C3orf80: variants seen among roughly 807,000 people sequenced by gnomAD.
The protein encoded by C3orf80 is chromosome 3 open reading frame 80, also known as uncharacterized membrane protein C3orf80.
C3orf80 carries 10 observed loss-of-function variants against 15.8 expected under a neutral mutation model. The observed-to-expected ratio is 0.63, with a 90% CI of 0.39 to 1.07. The LOEUF (loss-of-function observed/expected upper bound fraction) is 1.07. C3orf80 is among the 50% of genes least tolerant of loss of function. The pLI, the probability that C3orf80 is intolerant of heterozygous loss-of-function variation, is 0.01. For synonymous variants in C3orf80, 183 were observed against 192.0 expected (o/e 0.95, Z 0.39); for missense variants, 364 against 379.3 (o/e 0.96, Z 0.34).
chr3:160,225,612 C>T lies in C3orf80; in HGVS notation c.-24C>T, dbSNP rs1559895860. On this transcript the variant is annotated 5_prime_UTR_variant, in exon 1 of 1. It adds an upstream start codon to the 5' untranslated region. Transcript: ENST00000326474. This position sits in a 1 kb window ranked among gnomAD's most constrained non-coding sequence, Gnocchi z 5.6. ...GGACTCCCCAGCCTCCCGTCCCGGA[C>T]GTTAGCCGAGGTCTGCGCGGGCCAT... 1 of 1,309,258 alleles carries T rather than the reference C, an allele frequency of 7.6e-7. No individual in the cohort carries two copies. Among genetic ancestry groups the T allele is most frequent in the Non-Finnish European group, 9.7e-7 (1 of 1,035,654 alleles). The allele number at this position is 1,309,258 out of a possible 1,614,324, so 81.1% of individuals were successfully genotyped here. A position where few individuals can be genotyped will look rare whatever the true frequency, so the allele number is the denominator to read the frequency against.
chr3:160,226,306 C>T lies in C3orf80; in HGVS notation c.671C>T (p.Ser224Leu), dbSNP rs953797795. 1 of 1,513,212 alleles carries T rather than the reference C, an allele frequency of 6.6e-7. No individual in the cohort carries two copies. The highest frequency in any genetic ancestry group is 8.8e-7 in the Non-Finnish European group (1 of 1,135,970). 93.7% of individuals were successfully genotyped at this position (1,513,212 alleles called of 1,614,324 possible). The change falls in exon 1 of 1, where the codon TCG (serine) becomes TTG (leucine). Residue 224 changes from serine to leucine, a missense_variant. Physicochemically the swap from Ser to Leu is moderately radical, Grantham distance 145. Transcript: ENST00000326474. The surrounding 1 kb of genome is among the most constrained non-coding windows in gnomAD (Gnocchi z 5.2). The part of the protein sequence containing the change: ...LSPGEVVLPV[S>L]VLGRPRGGVA... ...CCCGGGGAGGTCGTGCTGCCAGTGT[C>T]GGTGCTTGGCCGCCCTCGAGGCGGG...
At position 160,225,679 on chromosome 3, in the gene C3orf80, C is replaced by T. The variant is rs1183668846; in HGVS notation, c.44C>T (p.Pro15Leu). Reference sequence around the variant, plus strand: ...ACTGCTGAGGGCCTGTCGGTGGCTCCGGCGCCGCCGCCTCTGCTGCCGCTG... The same window carrying T: ...ACTGCTGAGGGCCTGTCGGTGGCTCTGGCGCCGCCGCCTCTGCTGCCGCTG... ...GVTAEGLSVA[P>L]APPPLLPLLL... Residue 15 changes from proline (P) to leucine (L), a missense_variant, in exon 1 of 1, where the codon CCG becomes CTG. Physicochemically the swap from Pro to Leu is moderately conservative, Grantham distance 98. Coordinates refer to ENST00000326474, the MANE Select transcript of C3orf80 (RefSeq NM_001168214.2). This position sits in a 1 kb window ranked among gnomAD's most constrained non-coding sequence, Gnocchi z 5.6. The T allele has an allele frequency of 9.3e-6, 13 of 1,394,986 alleles. No individual in the cohort carries two copies. The highest frequency in any genetic ancestry group is 1.1e-5 in the Non-Finnish European group (12 of 1,080,062). 86.4% of individuals were successfully genotyped at this position (1,394,986 alleles called of 1,614,324 possible).
chr3:160,225,613 G>A lies in C3orf80; in HGVS notation c.-23G>A, dbSNP rs769612908. The A allele has an allele frequency of 3.1e-6, 4 of 1,310,242 alleles. No homozygotes were observed. Among genetic ancestry groups the A allele is most frequent in the Non-Finnish European group, 3.9e-6 (4 of 1,036,146 alleles). The allele number at this position is 1,310,242 out of a possible 1,614,324, so 81.2% of individuals were successfully genotyped here. A position where few individuals can be genotyped will look rare whatever the true frequency, so the allele number is the denominator to read the frequency against. On this transcript the variant is annotated 5_prime_UTR_variant, in exon 1 of 1. Coordinates refer to ENST00000326474, the MANE Select transcript of C3orf80 (RefSeq NM_001168214.2). The surrounding 1 kb of genome is among the most constrained non-coding windows in gnomAD (Gnocchi z 5.6). The stretch of plus-strand genomic sequence containing the variant: ...GACTCCCCAGCCTCCCGTCCCGGAC[G>A]TTAGCCGAGGTCTGCGCGGGCCATG...
chr3:160,225,614 T>C lies in C3orf80; in HGVS notation c.-22T>C. The C allele has an allele frequency of 7.6e-7, 1 of 1,310,860 alleles. No individual in the cohort carries two copies. Among genetic ancestry groups the C allele is most frequent in the Non-Finnish European group, 9.6e-7 (1 of 1,036,556 alleles). The allele number at this position is 1,310,860 out of a possible 1,614,324, so 81.2% of individuals were successfully genotyped here. A position where few individuals can be genotyped will look rare whatever the true frequency, so the allele number is the denominator to read the frequency against. On this transcript the variant is annotated 5_prime_UTR_variant, in exon 1 of 1. Coordinates refer to ENST00000326474, the MANE Select transcript of C3orf80 (RefSeq NM_001168214.2). This position sits in a 1 kb window ranked among gnomAD's most constrained non-coding sequence, Gnocchi z 5.6. The stretch of plus-strand genomic sequence containing the variant: ...ACTCCCCAGCCTCCCGTCCCGGACG[T>C]TAGCCGAGGTCTGCGCGGGCCATGT...
rs1441002054 is a variant in C3orf80 at position 160,225,756 on chromosome 3, T to C, written c.121T>C (p.Cys41Arg). Reference sequence around the variant, plus strand: ...GGCGCCCTCGCGGGGCGGCGGGGGCTGCGCTGAGCTGGCGTGCGGCGAGCG... The same window carrying C: ...GGCGCCCTCGCGGGGCGGCGGGGGCCGCGCTGAGCTGGCGTGCGGCGAGCG... ...LVAPSRGGGG[C>R]AELACGERER... is the part of the protein sequence containing the mutation. The change falls in exon 1 of 1, where the codon TGC (cysteine) becomes CGC (arginine). Residue 41 changes from cysteine (C) to arginine (R), a missense_variant. Cys to Arg is a radical substitution (Grantham distance 180). Coordinates refer to ENST00000326474, the MANE Select transcript of C3orf80 (RefSeq NM_001168214.2). The surrounding 1 kb of genome is among the most constrained non-coding windows in gnomAD (Gnocchi z 5.6). The C allele has an allele frequency of 5.7e-6, 8 of 1,401,036 alleles. No individual in the cohort carries two copies. The highest frequency in any genetic ancestry group is 7.4e-6 in the Non-Finnish European group (8 of 1,082,310). The allele number at this position is 1,401,036 out of a possible 1,614,324, so 86.8% of individuals were successfully genotyped here.
Position 160,226,132 on chromosome 3 carries a change from G to A in C3orf80, c.497G>A (p.Gly166Asp), listed in dbSNP as rs775531076. Residue 166 changes from glycine (G) to aspartate (D), a missense_variant, in exon 1 of 1, where the codon GGC (glycine) becomes GAC (aspartate). Transcript: ENST00000326474. The surrounding 1 kb of genome is among the most constrained non-coding windows in gnomAD (Gnocchi z 5.2). ...SLLDSGGGGRGRGGGGRSDPS... is the reference protein window; with the variant it reads ...SLLDSGGGGRDRGGGGRSDPS... ...CTGGACAGTGGCGGCGGCGGCCGGGGCCGGGGAGGCGGCGGGCGCTCGGAC... is the reference window on the plus strand; with the variant it reads ...CTGGACAGTGGCGGCGGCGGCCGGGACCGGGGAGGCGGCGGGCGCTCGGAC... The A allele has an allele frequency of 3.3e-6, 5 of 1,520,034 alleles. No homozygotes were observed. The South Asian group carries it at 4.8e-5, about 15-fold the overall frequency. The allele number at this position is 1,520,034 out of a possible 1,614,324, so 94.2% of individuals were successfully genotyped here.
Position 160,226,546 on chromosome 3 carries a change from C to CT in C3orf80, c.*169dup. ...CGTCTCCCTCGCGTTCTCCCGGGAT[C>CT]TTATGTTTCTCTGCGTTTCATTCCG... On this transcript the variant is annotated 3_prime_UTR_variant, in exon 1 of 1. Transcript: ENST00000326474. This position sits in a 1 kb window ranked among gnomAD's most constrained non-coding sequence, Gnocchi z 5.2. 1.4e-6 allele frequency: 1 copy of CT among 695,986 alleles called. No homozygotes were observed. Among genetic ancestry groups the CT allele is most frequent in the Non-Finnish European group, 2.1e-6 (1 of 470,882 alleles). 43.1% of individuals were successfully genotyped at this position (695,986 alleles called of 1,614,324 possible).
In C3orf80 at chr3:160,225,438, C is replaced by T; in HGVS notation, c.-198C>T. 2.3e-6 allele frequency: 1 copy of T among 432,898 alleles called. No homozygotes were observed. The highest frequency in any genetic ancestry group is 6.4e-4 in the Middle Eastern group (1 of 1,554). 26.8% of individuals were successfully genotyped at this position (432,898 alleles called of 1,614,324 possible). On this transcript the variant is annotated 5_prime_UTR_variant, in exon 1 of 1. Coordinates refer to ENST00000326474, the MANE Select transcript of C3orf80 (RefSeq NM_001168214.2). This position sits in a 1 kb window ranked among gnomAD's most constrained non-coding sequence, Gnocchi z 5.6. ...TGGGCCGCCAGTAGCAGCCGCCTCC[C>T]GCAGCCTCCGCGCGCCGCGGGCTCC...
chr3:160,226,299 C>A lies in C3orf80; in HGVS notation c.664C>A (p.Pro222Thr). 1 of 1,516,798 alleles carries A rather than the reference C, an allele frequency of 6.6e-7. No homozygotes were observed. The highest frequency in any genetic ancestry group is 8.8e-7 in the Non-Finnish European group (1 of 1,137,758). The allele number at this position is 1,516,798 out of a possible 1,614,324, so 94.0% of individuals were successfully genotyped here. ...QQLSPGEVVL[P>T]VSVLGRPRGG... is the part of the protein sequence containing the mutation. Reference sequence around the variant, plus strand: ...GCTCAGCCCCGGGGAGGTCGTGCTGCCAGTGTCGGTGCTTGGCCGCCCTCG... The same window carrying A: ...GCTCAGCCCCGGGGAGGTCGTGCTGACAGTGTCGGTGCTTGGCCGCCCTCG... The change falls in exon 1 of 1, where the codon CCA becomes ACA. Residue 222 changes from proline to threonine, a missense_variant. Transcript: ENST00000326474. The surrounding 1 kb of genome is among the most constrained non-coding windows in gnomAD (Gnocchi z 5.2).
At position 160,227,099 on chromosome 3, in the gene C3orf80, T is replaced by C. The variant is rs1711502536; in HGVS notation, c.*720T>C. 1 of 152,238 alleles carries C rather than the reference T, an allele frequency of 6.6e-6. No homozygotes were observed. The highest frequency in any genetic ancestry group is 2.4e-5 in the African/African-American group (1 of 41,460). The allele number at this position is 152,238 out of a possible 1,614,324, so 9.4% of individuals were successfully genotyped here. ...CATGTATATCCATTCGGCTGGACTTTTGATTGTTCAATAACTGAGGAGGTA... is the reference window on the plus strand; with the variant it reads ...CATGTATATCCATTCGGCTGGACTTCTGATTGTTCAATAACTGAGGAGGTA... On this transcript the variant is annotated 3_prime_UTR_variant, in exon 1 of 1. Coordinates refer to ENST00000326474, the MANE Select transcript of C3orf80 (RefSeq NM_001168214.2).
Position 160,226,074 on chromosome 3 carries a change from G to T in C3orf80, c.439G>T (p.Asp147Tyr), listed in dbSNP as rs1273182643. 4.8e-6 allele frequency: 7 copies of T among 1,463,362 alleles called. No individual in the cohort carries two copies. The African/African-American group carries it at 8.8e-5, about 18-fold the overall frequency. The allele number at this position is 1,463,362 out of a possible 1,614,324, so 90.6% of individuals were successfully genotyped here. A position where few individuals can be genotyped will look rare whatever the true frequency, so the allele number is the denominator to read the frequency against. Residue 147 changes from aspartate to tyrosine, a missense_variant, in exon 1 of 1, where the codon GAC becomes TAC. By Grantham distance (160) the Asp-to-Tyr change is radical. Coordinates refer to ENST00000326474, the MANE Select transcript of C3orf80 (RefSeq NM_001168214.2). This position sits in a 1 kb window ranked among gnomAD's most constrained non-coding sequence, Gnocchi z 5.2. ...DDDDSPALLR[D>Y]EAAAGSQDSL... ...CGACGACTCGCCCGCTCTGCTGCGC[G>T]ACGAGGCGGCAGCCGGCTCTCAGGA...
rs1440827062 is a variant in C3orf80 at position 160,226,545 on chromosome 3, T to G, written c.*166T>G. 1.4e-6 allele frequency: 1 copy of G among 694,578 alleles called. No homozygotes were observed. Among genetic ancestry groups the G allele is most frequent in the Non-Finnish European group, 2.1e-6 (1 of 469,734 alleles). 43.0% of individuals were successfully genotyped at this position (694,578 alleles called of 1,614,324 possible). On this transcript the variant is annotated 3_prime_UTR_variant, in exon 1 of 1. Transcript: ENST00000326474. The surrounding 1 kb of genome is among the most constrained non-coding windows in gnomAD (Gnocchi z 5.2). ...TCGTCTCCCTCGCGTTCTCCCGGGA[T>G]CTTATGTTTCTCTGCGTTTCATTCC...
At position 160,226,297 on chromosome 3, in the gene C3orf80, T is replaced by C; in HGVS notation, c.662T>C (p.Leu221Pro). The change falls in exon 1 of 1, where the codon CTG becomes CCG. Residue 221 changes from leucine (L) to proline (P), a missense_variant. Coordinates refer to ENST00000326474, the MANE Select transcript of C3orf80 (RefSeq NM_001168214.2). This position sits in a 1 kb window ranked among gnomAD's most constrained non-coding sequence, Gnocchi z 5.2. ...LQQLSPGEVVLPVSVLGRPRG... is the reference protein window; with the variant it reads ...LQQLSPGEVVPPVSVLGRPRG... ...CAGCTCAGCCCCGGGGAGGTCGTGC[T>C]GCCAGTGTCGGTGCTTGGCCGCCCT... The C allele has an allele frequency of 6.6e-7, 1 of 1,517,492 alleles. No homozygotes were observed. The highest frequency in any genetic ancestry group is 8.8e-7 in the Non-Finnish European group (1 of 1,138,134). The allele number at this position is 1,517,492 out of a possible 1,614,324, so 94.0% of individuals were successfully genotyped here. A position where few individuals can be genotyped will look rare whatever the true frequency, so the allele number is the denominator to read the frequency against.
chr3:160,226,582 CGTGGGGCACGCGCGGCGG>C lies in C3orf80; in HGVS notation c.*207_*224del. On this transcript the variant is annotated 3_prime_UTR_variant, in exon 1 of 1. Transcript: ENST00000326474. This position sits in a 1 kb window ranked among gnomAD's most constrained non-coding sequence, Gnocchi z 5.2. Reference sequence around the variant, plus strand: ...CTGCGTTTCATTCCGTTCAAAGAAACGTGGGGCACGCGCGGCGGGTGCGGCTGCAGCAGGCGACCCTCC... The same window carrying C: ...CTGCGTTTCATTCCGTTCAAAGAAACGTGCGGCTGCAGCAGGCGACCCTCC... 1 of 542,346 alleles carries C rather than the reference CGTGGGGCACGCGCGGCGG, an allele frequency of 1.8e-6. No homozygotes were observed. The allele number at this position is 542,346 out of a possible 1,614,324, so 33.6% of individuals were successfully genotyped here.
At position 160,226,143 on chromosome 3, in the gene C3orf80, G is replaced by A. The variant is rs568566401; in HGVS notation, c.508G>A (p.Gly170Ser). The change falls in exon 1 of 1, where the codon GGC (glycine) becomes AGC (serine). Residue 170 changes from glycine to serine, a missense_variant. Physicochemically the swap from Gly to Ser is moderately conservative, Grantham distance 56 (BLOSUM62 0). Transcript: ENST00000326474. The surrounding 1 kb of genome is among the most constrained non-coding windows in gnomAD (Gnocchi z 5.2). ...CGGCGGCGGCCGGGGCCGGGGAGGC[G>A]GCGGGCGCTCGGACCCCTCCTGCGC... is the stretch of plus-strand genomic sequence containing the variant. ...SGGGGRGRGG[G>S]GRSDPSCASE... 1 of 1,520,852 alleles carries A rather than the reference G, an allele frequency of 6.6e-7. No individual in the cohort carries two copies. Among genetic ancestry groups the A allele is most frequent in the African/African-American group, 1.4e-5 (1 of 70,544 alleles). 94.2% of individuals were successfully genotyped at this position (1,520,852 alleles called of 1,614,324 possible). A position where few individuals can be genotyped will look rare whatever the true frequency, so the allele number is the denominator to read the frequency against.
Position 160,226,022 on chromosome 3 carries a change from G to GGGGGGCGC in C3orf80, c.392_399dup (p.Pro134AlafsTer55), listed in dbSNP as rs1169606981. 7.4e-7 allele frequency: 1 copy of GGGGGGCGC among 1,347,600 alleles called. No individual in the cohort carries two copies. 83.5% of individuals were successfully genotyped at this position (1,347,600 alleles called of 1,614,324 possible). A position where few individuals can be genotyped will look rare whatever the true frequency, so the allele number is the denominator to read the frequency against. On this transcript the variant is annotated frameshift_variant, in exon 1 of 1. Coordinates refer to ENST00000326474, the MANE Select transcript of C3orf80 (RefSeq NM_001168214.2). LOFTEE classifies it high-confidence loss of function. This position sits in a 1 kb window ranked among gnomAD's most constrained non-coding sequence, Gnocchi z 5.2. ...GGCCTCCGGGGGGCGCCGGACCGCT[G>GGGGGGCGC]GGGGGCGCGGGGCCGCCCGACGACG...
rs896809496 is a variant in C3orf80, at chr3:160,226,878, G to A, written c.*499G>A. The A allele has an allele frequency of 6.5e-6, 1 of 153,202 alleles. No individual in the cohort carries two copies. The highest frequency in any genetic ancestry group is 1.5e-5 in the Non-Finnish European group (1 of 68,768). 9.5% of individuals were successfully genotyped at this position (153,202 alleles called of 1,614,324 possible). On this transcript the variant is annotated 3_prime_UTR_variant, in exon 1 of 1. Coordinates refer to ENST00000326474, the MANE Select transcript of C3orf80 (RefSeq NM_001168214.2). The surrounding 1 kb of genome is among the most constrained non-coding windows in gnomAD (Gnocchi z 5.2). ...CAGCCGCGACCAGGGACTGCTGCAC[G>A]TGGGTGTGGGAGAGCGCCACTTGGT...
rs999679317 is a variant in C3orf80 at position 160,227,263 on chromosome 3, C to T, written c.*884C>T. 1 of 152,106 alleles carries T rather than the reference C, an allele frequency of 6.6e-6. No homozygotes were observed. The highest frequency in any genetic ancestry group is 1.5e-5 in the Non-Finnish European group (1 of 68,028). 9.4% of individuals were successfully genotyped at this position (152,106 alleles called of 1,614,324 possible). On this transcript the variant is annotated 3_prime_UTR_variant, in exon 1 of 1. Coordinates refer to ENST00000326474, the MANE Select transcript of C3orf80 (RefSeq NM_001168214.2). ...TAATGGTCAGGAAATTGCCCATACT[C>T]TGTCATTATTGTTTAATAAATCATT...
chr3:160,226,354 G>A lies in C3orf80; in HGVS notation c.719G>A (p.Gly240Asp). The A allele has an allele frequency of 6.7e-7, 1 of 1,491,532 alleles. No homozygotes were observed. Among genetic ancestry groups the A allele is most frequent in the East Asian group, 2.7e-5 (1 of 37,048 alleles). 92.4% of individuals were successfully genotyped at this position (1,491,532 alleles called of 1,614,324 possible). Residue 240 changes from glycine (G) to aspartate (D), a missense_variant, in exon 1 of 1, where the codon GGC becomes GAC. Coordinates refer to ENST00000326474, the MANE Select transcript of C3orf80 (RefSeq NM_001168214.2). The surrounding 1 kb of genome is among the most constrained non-coding windows in gnomAD (Gnocchi z 5.2). ...RGGVAAEPDG[G>D]EGRYPLI ...GGGGTCGCCGCGGAGCCCGACGGCG[G>A]CGAGGGCCGCTACCCTCTTATCTGA...
Sources: allele counts gnomAD v4.1 joint callset, GRCh38; gene constraint gnomAD v4.1.1; non-coding constraint Gnocchi (gnomAD v3.1); transcripts MANE v1.5; gene names NCBI Gene and HGNC (gene_info 2026-07-23, HGNC 2026-07-21).